Variants in GANAB observed in about 807,000 individuals in gnomAD.
GANAB encodes the protein neutral alpha-glucosidase AB.
A neutral mutation model predicts 129.9 loss-of-function variants in GANAB; 35 were observed. That is an observed-to-expected ratio of 0.27 (90% confidence interval 0.21 to 0.36). The LOEUF is 0.36. GANAB is among the 10% of genes least tolerant of loss of function. The pLI, the probability that GANAB is intolerant of heterozygous loss-of-function variation, is 1.00. For missense variants in GANAB, 939 were observed against 1,221.0 expected (o/e 0.77, Z 3.44); for synonymous variants, 482 against 451.8 (o/e 1.07, Z -0.85).
At position 62,628,903 on chromosome 11, in the gene GANAB, C is replaced by T; in HGVS notation, c.2046G>A (p.Gly682=). The T allele has an allele frequency of 6.2e-7, 1 of 1,614,174 alleles. No homozygotes were observed. Among genetic ancestry groups the T allele is most frequent in the Non-Finnish European group, 8.5e-7 (1 of 1,180,026 alleles). The change falls in exon 17 of 24, where the codon GGG becomes GGA. Residue 682 remains glycine (G), a synonymous_variant. Transcript: ENST00000356638. ...FFRAHAHLDT[G]RREPWLLPSQ... ...ATGGTAACAGCCATGGCTCTCGTCG[C>T]CCAGTGTCCAAGTGGGCATGTGCCC... is the stretch of plus-strand genomic sequence containing the variant.
chr11:62,638,507 G>A (rs567776812), intron 4 of GANAB, among the ~76,000 whole-genome samples: 4 of 152,092 alleles, frequency 2.6e-5, no homozygotes, highest in Admixed American at 2.0e-4. Flanking sequence ...TGGATGCATG[G>A]AACACTGGTG....
rs575897355 is a variant in GANAB at position 62,626,021 on chromosome 11, C to G, written c.2725+44G>C. ...AAGGGCATCCCTAAACCTGCCCCGG[C>G]TTCCCCTCCTTCCCCCATCCTAGGG... On this transcript the variant is annotated intron_variant, in intron 23 of 23. Transcript: ENST00000356638. The G allele has an allele frequency of 1.5e-4, 222 of 1,513,342 alleles. 5 individuals carry two copies. The South Asian group carries it at 2.4e-3, about 16-fold the overall frequency. The allele number at this position is 1,513,342 out of a possible 1,614,324, so 93.7% of individuals were successfully genotyped here.
intron 16 of GANAB, 71 bp downstream of exon 16, chr11:62,629,123 A>C: frequency 6.5e-7 from 1 of 1,534,938 alleles, no homozygotes; most frequent in Non-Finnish European, 9.0e-7. Context: ...TGCTTACAAC[A>C]CCTTGGTCCT....
intron 1 of GANAB, among the ~76,000 whole-genome samples, 196 bp downstream of exon 1, chr11:62,646,366 C>G (rs1374258688): frequency 6.6e-6 from 1 of 152,016 alleles, no homozygotes; most frequent in African/African-American, 2.4e-5. Flanking sequence ...GCCCGGAGCC[C>G]CACAGGCAAG....
chr11:62,631,204 G>T, intron 9 of GANAB, 21 bp from the exon 10 acceptor site: 3 of 1,529,244 alleles, frequency 2.0e-6, no homozygotes, highest in Non-Finnish European at 1.8e-6. Flanking sequence ...GACCACAAAG[G>T]GGTCAGACAC....
Position 62,633,824 on chromosome 11 carries a change from C to G in GANAB, c.561-310G>C. 3 of 487,082 alleles carry G rather than the reference C, an allele frequency of 6.2e-6. No individual in the cohort carries two copies. The South Asian group carries it at 7.4e-5, about 12-fold the overall frequency. 30.2% of individuals were successfully genotyped at this position (487,082 alleles called of 1,614,324 possible). A position where few individuals can be genotyped will look rare whatever the true frequency, so the allele number is the denominator to read the frequency against. ...AGGGGCCTGGGTTATGAATGCCAAT[C>G]CTGGCTCTGTTGCCTCTACTGAGAG... On this transcript the variant is annotated intron_variant, in intron 5 of 23. Transcript: ENST00000356638.
chr11:62,634,125 T>C (rs1943823687), intron 5 of GANAB, among the ~76,000 whole-genome samples: 1 of 152,140 alleles, frequency 6.6e-6, no homozygotes, highest in South Asian at 2.1e-4. Context: ...ACTTTCAGTA[T>C]CTCACCTTCC....
rs1318671521 is a variant in GANAB at position 62,626,338 on chromosome 11, G to A, written c.2621C>T (p.Ser874Phe). Residue 874 changes from serine to phenylalanine, a missense_variant, in exon 22 of 24, where the codon TCC becomes TTC. By Grantham distance (155) the Ser-to-Phe change is radical. This residue lies in a region of GANAB where 230 missense variants were observed against 259.9 expected (regional missense o/e 0.89). Coordinates refer to ENST00000356638, the MANE Select transcript of GANAB (RefSeq NM_198334.3). ...RFSFSGNTLV[S>F]SSADPEGHFE... ...GGAAGAGTGGGTGACCCATTACCTG[G>A]AGACAAGGGTGTTGCCAGAGAATGA... The A allele has an allele frequency of 1.3e-6, 2 of 1,599,992 alleles. No individual in the cohort carries two copies. The highest frequency in any genetic ancestry group is 1.1e-5 in the South Asian group (1 of 90,754).
chr11:62,626,196 G>T, intron 22 of GANAB, 31 bp from the exon 23 acceptor site: 3 of 1,504,010 alleles, frequency 2.0e-6, no homozygotes, highest in Non-Finnish European at 2.8e-6. Context: ...TGTCCATCAG[G>T]GGGAAAAATA....
chr11:62,627,275 T>C lies in GANAB; in HGVS notation c.2245+14A>G. The C allele has an allele frequency of 6.5e-7, 1 of 1,537,126 alleles. No individual in the cohort carries two copies. Among genetic ancestry groups the C allele is most frequent in the South Asian group, 1.1e-5 (1 of 89,544 alleles). On this transcript the variant is annotated intron_variant, in intron 18 of 23. Transcript: ENST00000356638. ...CCCAAAGCCAACCCACCACCAACTA[T>C]CCTCATTTCTCACCAAGCAAGTACT...
Position 62,630,458 on chromosome 11 carries a change from T to C in GANAB, c.1434A>G (p.Arg478=). The change falls in exon 12 of 24, where the codon CGA becomes CGG. Residue 478 remains arginine (R), a synonymous_variant. Transcript: ENST00000356638. ...DPHIKVDSGY[R]VHEELRNLGL... is the part of the protein sequence containing the mutation. The stretch of plus-strand genomic sequence containing the variant: ...CCAGGTTCCGCAGCTCCTCGTGAAC[T>C]CGGTAGCCGGAGTCCACCTTGATGT... The C allele has an allele frequency of 6.2e-7, 1 of 1,614,150 alleles. No homozygotes were observed. Among genetic ancestry groups the C allele is most frequent in the Non-Finnish European group, 8.5e-7 (1 of 1,180,016 alleles).
intron 1 of GANAB, among the ~76,000 whole-genome samples, chr11:62,646,084 G>A (rs1944465105): frequency 6.6e-6 from 1 of 152,210 alleles, no homozygotes; most frequent in Non-Finnish European, 1.5e-5. Context: ...AAGGGCAGAG[G>A]AGGATTCGGA....
intron 2 of GANAB, 44 bp from the exon 3 acceptor site, chr11:62,639,511 A>G: frequency 6.6e-7 from 1 of 1,507,432 alleles, no homozygotes. Flanking sequence ...GCCACCTGCA[A>G]TGTCCCTAAG....
intron 8 of GANAB, 42 bp downstream of exon 8, chr11:62,632,963 T>C: frequency 8.0e-7 from 1 of 1,250,560 alleles, no homozygotes; most frequent in South Asian, 1.2e-5. Flanking sequence ...CCTGACTCCT[T>C]CCTGCCCACC....
chr11:62,629,327 A>C (rs748721566), intron 15 of GANAB, 32 bp from the exon 16 acceptor site: 1 of 1,450,044 alleles, frequency 6.9e-7, no homozygotes, highest in South Asian at 1.1e-5. Context: ...GAGCTTGCAC[A>C]TGGTAAAGGA....
intron 16 of GANAB, 50 bp from the exon 17 acceptor site, chr11:62,629,062 A>C: frequency 6.2e-7 from 1 of 1,601,484 alleles, no homozygotes; most frequent in Non-Finnish European, 8.6e-7. Flanking sequence ...TGAAGGAGAG[A>C]TACTGCTTGA....
rs137909090 is a variant in GANAB at position 62,631,168 on chromosome 11, T to C, written c.1012A>G (p.Met338Val). 154 of 1,592,666 alleles carry C rather than the reference T, an allele frequency of 9.7e-5. No homozygotes were observed. In the East Asian group the frequency reaches 2.9e-3, roughly 30 times the overall value. Residue 338 changes from methionine (M) to valine (V), a missense_variant, in exon 10 of 24, where the codon ATG (methionine) becomes GTG (valine). Met to Val is a conservative substitution (Grantham distance 21). Transcript: ENST00000356638. ...CCAGAGCCCTGCAGGTAGTCCATCA[T>C]CTTCCCAAACAGGGTCTGTATAGGT... ...NTAGKTLFGK[M>V]MDYLQGSGET...
At chr11:62,636,267 AG>A (rs1282878954) in intron 4 of GANAB, among the ~76,000 whole-genome samples, 1 of 152,002 alleles carries the variant, frequency 6.6e-6, no homozygotes, top group Non-Finnish European at 1.5e-5. Context: ...CTGGGATTAC[AG>A]GTATGAGCCA....
intron 1 of GANAB, among the ~76,000 whole-genome samples, chr11:62,643,551 G>C (rs183995030): frequency 3.3e-5 from 5 of 152,340 alleles, no homozygotes; most frequent in Non-Finnish European, 7.3e-5. Context: ...GCTGAGGCAG[G>C]AAAATTGCTT....
Sources: allele counts gnomAD v4.1 joint callset (sites outside exome capture counted in the v4.1 genomes callset), GRCh38; gene constraint gnomAD v4.1.1; regional missense constraint gnomAD v4.1.1; transcripts MANE v1.5; gene names NCBI Gene and HGNC (gene_info 2026-07-23, HGNC 2026-07-21).